CCDC91: variants seen among roughly 807,000 people sequenced by gnomAD.
CCDC91 encodes the protein coiled-coil domain-containing protein 91.
CCDC91 carries 48 observed loss-of-function variants against 63.2 expected under a neutral mutation model. That is an observed-to-expected ratio of 0.76 (90% CI 0.60 to 0.97). The LOEUF is 0.97. Among genes scored for constraint, CCDC91 ranks in the 50% least tolerant of loss-of-function variants. The probability of loss-of-function intolerance (pLI) is 0.00; values close to 1 mark genes in which losing one functional copy is unlikely to be tolerated. For synonymous variants in CCDC91, 167 were observed against 165.8 expected, an observed-to-expected ratio of 1.01 and a Z score of -0.06; for missense variants, 500 against 494.6, an observed-to-expected ratio of 1.01 and a Z score of -0.10.
In CCDC91 at chr12:28,421,621, T is replaced by G. The variant is rs1233184390; in HGVS notation, c.763-28540T>G. Among the ~76,000 whole-genome samples, 6 of 151,918 alleles carry G rather than the reference T, an allele frequency of 3.9e-5. No homozygotes were observed. In the East Asian group the frequency reaches 1.2e-3, roughly 29 times the overall value. ...GTATATGTCTGTCACTGATGGGCAT[T>G]TAGGTTGATGAATCCAGTTTGTCAT... On this transcript the variant is annotated intron_variant, in intron 8 of 12. Transcript: ENST00000536442.
chr12:28,395,579 G>A (rs1946239765), intron 8 of CCDC91, among the ~76,000 whole-genome samples: 2 of 152,166 alleles, frequency 1.3e-5, no homozygotes, highest in South Asian at 2.1e-4. Flanking sequence ...ACTCAGGAAT[G>A]GACAGATGGA....
chr12:28,348,354 A>G (rs1227217193), intron 6 of CCDC91, among the ~76,000 whole-genome samples: 4 of 152,180 alleles, frequency 2.6e-5, no homozygotes, highest in Non-Finnish European at 4.4e-5. Context: ...GTGCAAAAGG[A>G]ACATGCCTAG....
chr12:28,465,214 G>A (rs1395743665), intron 11 of CCDC91, among the ~76,000 whole-genome samples: 1 of 152,180 alleles, frequency 6.6e-6, no homozygotes, highest in Non-Finnish European at 1.5e-5. Flanking sequence ...CCAGGTAGAT[G>A]TCTACAGTTT....
At chr12:28,198,052 T>C (rs1941921320) in intron 1 of CCDC91, among the ~76,000 whole-genome samples, 1 of 152,192 alleles carries the variant, frequency 6.6e-6, no homozygotes, top group South Asian at 2.1e-4. Flanking sequence ...TAGAAGGATA[T>C]GTACATTTTG....
At chr12:28,393,943 G>A (rs1946108667) in intron 8 of CCDC91, among the ~76,000 whole-genome samples, 1 of 152,168 alleles carries the variant, frequency 6.6e-6, no homozygotes, top group African/African-American at 2.4e-5. Context: ...TGACAAATTG[G>A]AAAGGAAGTT....
chr12:28,491,085 A>T (rs1951976871), intron 12 of CCDC91, among the ~76,000 whole-genome samples: 1 of 151,740 alleles, frequency 6.6e-6, no homozygotes, highest in Admixed American at 6.6e-5. Flanking sequence ...GTAGCAGTTA[A>T]TGCGGTATTT....
At chr12:28,210,235 G>A (rs1943136738) in intron 1 of CCDC91, among the ~76,000 whole-genome samples, 1 of 152,162 alleles carries the variant, frequency 6.6e-6, no homozygotes, top group African/African-American at 2.4e-5. Flanking sequence ...CCTAGTATCT[G>A]ACCTGAATAA....
chr12:28,284,374 C>G (rs771054195), intron 3 of CCDC91, among the ~76,000 whole-genome samples: 4 of 152,014 alleles, frequency 2.6e-5, no homozygotes, highest in Admixed American at 6.6e-5. Flanking sequence ...GATTGTTGGC[C>G]GGGCATAGTG....
At chr12:28,528,477 G>A (rs1941465396) in intron 12 of CCDC91, among the ~76,000 whole-genome samples, 1 of 152,158 alleles carries the variant, frequency 6.6e-6, no homozygotes, top group Admixed American at 6.5e-5. Flanking sequence ...ACAGTATTTG[G>A]GGTGTCTCCC....
chr12:28,307,023 A>T lies in CCDC91; in HGVS notation c.471+78A>T. 4.2e-6 allele frequency: 4 copies of T among 945,884 alleles called. No homozygotes were observed. The South Asian group carries it at 5.0e-5, about 12-fold the overall frequency. 58.6% of individuals were successfully genotyped at this position (945,884 alleles called of 1,614,324 possible). ...ATATAATCTCAAACTCTGATTAAAA[A>T]CTCATCAGAGGAAGAAGATACTTTT... On this transcript the variant is annotated intron_variant, in intron 5 of 12. Transcript: ENST00000536442.
chr12:28,439,797 C>G lies in CCDC91; in HGVS notation c.763-10364C>G, dbSNP rs1277857441. Among the ~76,000 whole-genome samples, 6 of 138,448 alleles carry G rather than the reference C, an allele frequency of 4.3e-5. No homozygotes were observed. In the Admixed American group the frequency reaches 4.6e-4, roughly 11 times the overall value. The allele number at this position is 138,448 out of a possible 152,430, so 90.8% of individuals were successfully genotyped here. A position where few individuals can be genotyped will look rare whatever the true frequency, so the allele number is the denominator to read the frequency against. ...AGAACCTCTATATTTATATTTGAGTCTGAATCAAACATTTTCACTTGGAAG... is the reference window on the plus strand; with the variant it reads ...AGAACCTCTATATTTATATTTGAGTGTGAATCAAACATTTTCACTTGGAAG... On this transcript the variant is annotated intron_variant, in intron 8 of 12. Coordinates refer to ENST00000536442, the MANE Select transcript of CCDC91 (RefSeq NM_018318.5).
At chr12:28,443,239 A>G (rs1282309139) in intron 8 of CCDC91, among the ~76,000 whole-genome samples, 1 of 124,900 alleles carries the variant, frequency 8.0e-6, no homozygotes, top group African/African-American at 3.0e-5. Context: ...AGTCCTAGGC[A>G]AAAAAAAAAA....
intron 11 of CCDC91, 33 bp from the exon 12 acceptor site, chr12:28,484,019 C>T (rs1223649402): frequency 7.4e-7 from 1 of 1,344,818 alleles, no homozygotes; most frequent in Non-Finnish European, 1.1e-6. Context: ...TAGTGCTCAC[C>T]TCCCTGACTG....
chr12:28,219,086 G>A (rs1200256687), intron 1 of CCDC91, among the ~76,000 whole-genome samples: 1 of 152,062 alleles, frequency 6.6e-6, no homozygotes, highest in Non-Finnish European at 1.5e-5. Context: ...AGAATTCTAG[G>A]TGCTCCATAT....
intron 1 of CCDC91, among the ~76,000 whole-genome samples, chr12:28,192,540 C>A (rs766887923): frequency 6.6e-6 from 1 of 152,118 alleles, no homozygotes; most frequent in Non-Finnish European, 1.5e-5. Flanking sequence ...ACAATGAGAA[C>A]TTAATTGAAA....
intron 6 of CCDC91, among the ~76,000 whole-genome samples, chr12:28,325,782 T>G (rs1940935048): frequency 6.6e-6 from 1 of 152,002 alleles, no homozygotes; most frequent in Admixed American, 6.6e-5. Context: ...GTGAAGTTAT[T>G]TAATGATAGA....
At chr12:28,340,944 T>C (rs556466391) in intron 6 of CCDC91, among the ~76,000 whole-genome samples, 13 of 152,120 alleles carry the variant, frequency 8.5e-5, no homozygotes, top group African/African-American at 3.1e-4. Context: ...TTTTATTGAG[T>C]GAAGGTAGTT....
At position 28,450,436 on chromosome 12, in the gene CCDC91, A is replaced by G. The variant is rs149900008; in HGVS notation, c.924+18A>G. The G allele has an allele frequency of 2.5e-6, 4 of 1,579,900 alleles. No individual in the cohort carries two copies. The highest frequency in any genetic ancestry group is 2.7e-5 in the African/African-American group (2 of 74,186). On this transcript the variant is annotated intron_variant, in intron 10 of 12. Coordinates refer to ENST00000536442, the MANE Select transcript of CCDC91 (RefSeq NM_018318.5). ...CTGCAAAGGTATTTCCATCTGTAAT[A>G]GTGGGTTGCTTGTAAGTAAGTGGAA...
intron 8 of CCDC91, among the ~76,000 whole-genome samples, chr12:28,411,364 C>T (rs938715396): frequency 6.7e-4 from 102 of 152,076 alleles, no homozygotes; most frequent in Non-Finnish European, 1.6e-4. Context: ...TTGGAAGTTT[C>T]TATATCACAT....
Sources: allele counts gnomAD v4.1 joint callset (sites outside exome capture counted in the v4.1 genomes callset), GRCh38; gene constraint gnomAD v4.1.1; transcripts MANE v1.5; gene names NCBI Gene and HGNC (gene_info 2026-07-23, HGNC 2026-07-21).